The following SWAP70 variants were observed in gnomAD, a reference collection of about 807,000 sequenced individuals.
The protein encoded by SWAP70 is switch-associated protein 70.
Under a neutral mutation model 80.2 loss-of-function variants are expected in SWAP70, and 34 were observed. That is an observed-to-expected ratio of 0.42 (90% CI 0.32 to 0.56). SWAP70 has a LOEUF of 0.56. Among genes scored for constraint, SWAP70 ranks in the 20% least tolerant of loss-of-function variants. The pLI is 0.09. For synonymous variants in SWAP70, 239 were observed against 238.5 expected (o/e 1.00, Z -0.02); for missense variants, 578 against 690.7 (o/e 0.84, Z 1.83).
chr11:9,746,206 G>A (rs1395798746), intron 9 of SWAP70, among the ~76,000 whole-genome samples: 2 of 152,200 alleles, frequency 1.3e-5, no homozygotes, highest in Non-Finnish European at 2.9e-5. Flanking sequence ...AGCTGCCAAG[G>A]GGTGGGAGGG....
intron 7 of SWAP70, among the ~76,000 whole-genome samples, chr11:9,735,234 A>G (rs1388555185): frequency 6.6e-6 from 1 of 152,176 alleles, no homozygotes; most frequent in Admixed American, 6.5e-5. Context: ...TTATTTTCCC[A>G]TTTGTTAAAC....
rs1343672274 is a variant in SWAP70 at position 9,675,384 on chromosome 11, A to C, written c.99+11106A>C. ...GAGAGAGAGAGAGAGAGAGAGAGAG[A>C]GAGAGAGAGAGAGAGAGAGAGAGAG... On this transcript the variant is annotated intron_variant, in intron 1 of 11. Transcript: ENST00000318950. 7.0e-4 allele frequency among the ~76,000 whole-genome samples: 82 copies of C among 117,102 alleles called. 5 individuals carry two copies. The highest frequency in any genetic ancestry group is 2.9e-3 in the South Asian group (8 of 2,724). The allele number at this position is 117,102 out of a possible 152,430, so 76.8% of individuals were successfully genotyped here.
At chr11:9,670,881 G>C (rs1049472344) in intron 1 of SWAP70, among the ~76,000 whole-genome samples, 6 of 151,446 alleles carry the variant, frequency 4.0e-5, no homozygotes, top group African/African-American at 1.5e-4. Flanking sequence ...AGCCTCCCGA[G>C]TAGCTGGGAT....
rs186717663 is a variant in SWAP70, at chr11:9,685,400, T to G, written c.100-8746T>G. 3.9e-5 allele frequency among the ~76,000 whole-genome samples: 6 copies of G among 152,204 alleles called. No homozygotes were observed. In the East Asian group the frequency reaches 1.2e-3, roughly 29 times the overall value. On this transcript the variant is annotated intron_variant, in intron 1 of 11. Transcript: ENST00000318950. ...TAGGTAATTTATAAATAATATAAAT[T>G]TATTTATCACAGTTCTGGATACTGG...
intron 2 of SWAP70, among the ~76,000 whole-genome samples, chr11:9,710,264 A>G: frequency 6.6e-6 from 1 of 152,250 alleles, no homozygotes; most frequent in Non-Finnish European, 1.5e-5. Context: ...GAAATAACAT[A>G]TAAAATGCCT....
At chr11:9,725,188 G>T in intron 4 of SWAP70, 2 of 238,232 alleles carry the variant, frequency 8.4e-6, no homozygotes, top group Non-Finnish European at 1.6e-5. Flanking sequence ...ATGTTGGCCA[G>T]GCTGGTCTCG....
intron 9 of SWAP70, chr11:9,740,644 C>T (rs1590047818): frequency 2.5e-6 from 1 of 407,786 alleles, no homozygotes; most frequent in East Asian, 5.5e-5. Context: ...AATCCACAAA[C>T]CCAGAATTAC....
At chr11:9,671,794 A>AT (rs1850411270) in intron 1 of SWAP70, among the ~76,000 whole-genome samples, 1 of 77,556 alleles carries the variant, frequency 1.3e-5, no homozygotes, top group Non-Finnish European at 2.1e-5. Flanking sequence ...TATTATTTAT[A>AT]AATATATATA....
intron 1 of SWAP70, 22 bp downstream of exon 1, chr11:9,664,300 C>A: frequency 6.5e-7 from 1 of 1,547,518 alleles, no homozygotes; most frequent in East Asian, 2.5e-5. Context: ...CTGACCCGGC[C>A]CCCCACCCGA....
chr11:9,666,644 C>A (rs913553007), intron 1 of SWAP70, among the ~76,000 whole-genome samples: 1 of 151,972 alleles, frequency 6.6e-6, no homozygotes, highest in Admixed American at 6.6e-5. Context: ...TTGCTTTCAA[C>A]CATCATTTCT....
intron 2 of SWAP70, among the ~76,000 whole-genome samples, chr11:9,702,834 C>G (rs1460070791): frequency 6.6e-6 from 1 of 152,120 alleles, no homozygotes; most frequent in Non-Finnish European, 1.5e-5. Flanking sequence ...GGGTTTCATG[C>G]TGAGAAACAT....
chr11:9,740,385 T>A, intron 9 of SWAP70, 38 bp downstream of exon 9: 1 of 1,602,852 alleles, frequency 6.2e-7, no homozygotes, highest in Non-Finnish European at 8.5e-7. Flanking sequence ...TTTATGTACT[T>A]TGCCTGGGCT....
intron 3 of SWAP70, among the ~76,000 whole-genome samples, chr11:9,718,912 C>T (rs1405445591): frequency 2.0e-5 from 3 of 151,634 alleles, no homozygotes; most frequent in Admixed American, 2.0e-4. Flanking sequence ...CCAGCCTGGG[C>T]AACATGGTGA....
At chr11:9,701,379 C>G (rs984968468) in intron 2 of SWAP70, among the ~76,000 whole-genome samples, 2 of 151,936 alleles carry the variant, frequency 1.3e-5, no homozygotes, top group Admixed American at 6.6e-5. Context: ...ACCATGTTGG[C>G]CAGGCTGGTC....
intron 4 of SWAP70, chr11:9,727,101 A>C: frequency 2.6e-6 from 1 of 382,852 alleles, no homozygotes; most frequent in East Asian, 7.2e-5. Context: ...ATTTTATTTA[A>C]AAATTTTGGC....
At chr11:9,724,929 G>C in intron 4 of SWAP70, 44 bp downstream of exon 4, 1 of 1,285,142 alleles carries the variant, frequency 7.8e-7, no homozygotes, top group Non-Finnish European at 1.1e-6. Flanking sequence ...TTTAGAATTT[G>C]ACATTTTAAA....
chr11:9,704,065 A>G (rs1850868154), intron 2 of SWAP70, among the ~76,000 whole-genome samples: 1 of 152,216 alleles, frequency 6.6e-6, no homozygotes, highest in South Asian at 2.1e-4. Context: ...ACAGTAAAAT[A>G]GTTGTGAATG....
intron 1 of SWAP70, among the ~76,000 whole-genome samples, chr11:9,672,657 C>T (rs1850434339): frequency 6.6e-6 from 1 of 151,064 alleles, no homozygotes; most frequent in Non-Finnish European, 1.5e-5. Context: ...TGAGCCACCA[C>T]ATCCAGCCTG....
At chr11:9,699,006 C>CG (rs1294975704) in intron 2 of SWAP70, among the ~76,000 whole-genome samples, 7 of 144,734 alleles carry the variant, frequency 4.8e-5, no homozygotes, top group Admixed American at 4.7e-4. Context: ...TGCTTTAATT[C>CG]GGAAAAAAAG....
Sources: allele counts gnomAD v4.1 joint callset (sites outside exome capture counted in the v4.1 genomes callset), GRCh38; gene constraint gnomAD v4.1.1; transcripts MANE v1.5; gene names NCBI Gene and HGNC (gene_info 2026-07-23, HGNC 2026-07-21).